The following SELE variants were observed in gnomAD, a reference collection of about 807,000 sequenced individuals.
SELE encodes selectin E, also known as E-selectin.
Under a neutral mutation model 75.8 loss-of-function variants are expected in SELE, and 52 were observed. That is an observed-to-expected ratio of 0.69 (90% CI 0.55 to 0.86). The LOEUF is 0.86. Among genes scored for constraint, SELE ranks in the 40% least tolerant of loss-of-function variants. SELE has a pLI of 0.00. For missense variants in SELE, 754 were observed against 732.7 expected, an observed-to-expected ratio of 1.03 and a Z score of -0.34; for synonymous variants, 285 against 258.7, an observed-to-expected ratio of 1.10 and a Z score of -0.98.
chr1:169,729,339 C>A lies in SELE; in HGVS notation c.937G>T (p.Gly313Cys). The A allele has an allele frequency of 6.2e-7, 1 of 1,614,034 alleles. No individual in the cohort carries two copies. The highest frequency in any genetic ancestry group is 8.5e-7 in the Non-Finnish European group (1 of 1,179,990). Residue 313 changes from glycine (G) to cysteine (C), a missense_variant, in exon 7 of 14, where the codon GGC (glycine) becomes TGC (cysteine). Physicochemically the swap from Gly to Cys is radical, Grantham distance 159. Transcript: ENST00000333360. Reference protein sequence around the residue: ...TCRAVRQPQNGSVRCSHSPAG... With the variant: ...TCRAVRQPQNCSVRCSHSPAG... ...GGGGAATGGCTGCACCTCACAGAGC[C>A]ATTCTGAGGCTGGCGGACGGCCCTG...
chr1:169,725,930 T>A lies in SELE; in HGVS notation c.1754-2A>T, dbSNP rs903575588. 3 of 1,613,806 alleles carry A rather than the reference T, an allele frequency of 1.9e-6. No individual in the cohort carries two copies. Among genetic ancestry groups the A allele is most frequent in the Admixed American group, 3.3e-5 (2 of 59,998 alleles). ...ACCTGGCAGGAACAAATTTCTTTGC[T>A]GCAAAAGAAAAGACAAACAACCATT... On this transcript the variant is annotated splice_acceptor_variant, in intron 11 of 13. Coordinates refer to ENST00000333360, the MANE Select transcript of SELE (RefSeq NM_000450.2). LOFTEE classifies it high-confidence loss of function.
chr1:169,733,164 T>G (rs1318999132), intron 2 of SELE, among the ~76,000 whole-genome samples, 166 bp from the exon 3 acceptor site: 2 of 152,206 alleles, frequency 1.3e-5, no homozygotes, highest in East Asian at 3.8e-4. Context: ...AGCGACTTAT[T>G]GTTTATCTCT....
intron 7 of SELE, among the ~76,000 whole-genome samples, chr1:169,728,917 A>G (rs1398710228): frequency 6.6e-6 from 1 of 152,130 alleles, no homozygotes; most frequent in African/African-American, 2.4e-5. Flanking sequence ...ATTCCTTTAG[A>G]TTAAGAATTC....
rs1428551867 is a variant in SELE, at chr1:169,723,721, C to T, written c.*804G>A. On this transcript the variant is annotated 3_prime_UTR_variant, in exon 14 of 14. Coordinates refer to ENST00000333360, the MANE Select transcript of SELE (RefSeq NM_000450.2). Reference sequence around the variant, plus strand: ...TGAAATAAATTTAAAACAGATGTAACATAATTTGTTAATAAACAATGAGGG... The same window carrying T: ...TGAAATAAATTTAAAACAGATGTAATATAATTTGTTAATAAACAATGAGGG... 6.6e-6 allele frequency: 1 copy of T among 152,162 alleles called. No individual in the cohort carries two copies. The highest frequency in any genetic ancestry group is 6.5e-5 in the Admixed American group (1 of 15,278). 9.4% of individuals were successfully genotyped at this position (152,162 alleles called of 1,614,324 possible).
At position 169,728,192 on chromosome 1, in the gene SELE, G is replaced by A; in HGVS notation, c.1145C>T (p.Pro382Leu). 6.2e-7 allele frequency: 1 copy of A among 1,614,166 alleles called. No individual in the cohort carries two copies. ...ATAACGGAAACTGCCAGAAGCACTA[G>A]GAAGACAATTCATGTAGCCTCGCTC... Reference protein sequence around the residue: ...NPERGYMNCLPSASGSFRYGS... With the variant: ...NPERGYMNCLLSASGSFRYGS... Residue 382 changes from proline to leucine, a missense_variant, in exon 8 of 14, where the codon CCT (proline) becomes CTT (leucine). By Grantham distance (98) the Pro-to-Leu change is moderately conservative. Transcript: ENST00000333360.
intron 4 of SELE, among the ~76,000 whole-genome samples, chr1:169,730,973 A>AAT (rs1485635299): frequency 6.6e-6 from 1 of 152,204 alleles, no homozygotes; most frequent in Non-Finnish European, 1.5e-5. Flanking sequence ...AACTGCTAAA[A>AAT]ATACTACAGT....
At chr1:169,726,329 C>T (rs1052180436) in intron 11 of SELE, among the ~76,000 whole-genome samples, 1 of 152,164 alleles carries the variant, frequency 6.6e-6, no homozygotes, top group African/African-American at 2.4e-5. Flanking sequence ...TTCCATATTC[C>T]TTATGAGAGA....
intron 10 of SELE, 108 bp from the exon 11 acceptor site, chr1:169,726,914 G>C (rs1388832309): frequency 5.5e-6 from 4 of 732,538 alleles, no homozygotes; most frequent in Non-Finnish European, 7.0e-6. Flanking sequence ...AGGAGCAGAA[G>C]AGCTATCTAG....
rs1648980626 is a variant in SELE, at chr1:169,733,969, AC to A, written c.-49+1del. The A allele has an allele frequency of 1.3e-5, 3 of 239,132 alleles. No homozygotes were observed. The highest frequency in any genetic ancestry group is 2.5e-5 in the Non-Finnish European group (3 of 121,978). The allele number at this position is 239,132 out of a possible 1,614,324, so 14.8% of individuals were successfully genotyped here. A position where few individuals can be genotyped will look rare whatever the true frequency, so the allele number is the denominator to read the frequency against. On this transcript the variant is annotated splice_donor_variant, in intron 1 of 13. Transcript: ENST00000333360. LOFTEE classifies it low-confidence loss of function (5UTR_SPLICE). Reference sequence around the variant, plus strand: ...TGCCCTTATAAAGCGTTCTGCACTTACCGTTTTGGGAAGCAGTTGTTCAAAC... The same window carrying A: ...TGCCCTTATAAAGCGTTCTGCACTTACGTTTTGGGAAGCAGTTGTTCAAAC...
Position 169,728,082 on chromosome 1 carries a change from C to G in SELE, c.1255G>C (p.Asp419His). 2.5e-6 allele frequency: 4 copies of G among 1,613,484 alleles called. No homozygotes were observed. Among genetic ancestry groups the G allele is most frequent in the Non-Finnish European group, 3.4e-6 (4 of 1,179,844 alleles). Residue 419 changes from aspartate to histidine, a missense_variant, in exon 8 of 14, where the codon GAC becomes CAC. Physicochemically the swap from Asp to His is moderately conservative, Grantham distance 81. Coordinates refer to ENST00000333360, the MANE Select transcript of SELE (RefSeq NM_000450.2). ...CCTTCACATGTGGGCTTCTCGTTGTCCCACTCCCCTGTGGGGCCACATTGG... is the reference window on the plus strand; with the variant it reads ...CCTTCACATGTGGGCTTCTCGTTGTGCCACTCCCCTGTGGGGCCACATTGG... ...RLQCGPTGEW[D>H]NEKPTCEAVR...
intron 8 of SELE, 46 bp downstream of exon 8, chr1:169,728,012 C>CAATAGTTCTT (rs752319818): frequency 6.3e-7 from 1 of 1,585,252 alleles, no homozygotes; most frequent in Non-Finnish European, 8.5e-7. Flanking sequence ...CCAAGCTCTT[C>CAATAGTTCTT]AATAGTTCTT....
chr1:169,727,979 C>G (rs767068480), intron 8 of SELE, 52 bp from the exon 9 acceptor site: 1 of 1,590,448 alleles, frequency 6.3e-7, no homozygotes, highest in African/African-American at 1.4e-5. Context: ...TCCAGCAATA[C>G]GTTTCCCAAG....
chr1:169,731,195 A>G (rs1648903659), intron 4 of SELE, among the ~76,000 whole-genome samples: 1 of 152,238 alleles, frequency 6.6e-6, no homozygotes, highest in Admixed American at 6.5e-5. Flanking sequence ...CAAGTACTCA[A>G]TAACCACATG....
At chr1:169,733,330 G>A (rs1280501824) in intron 2 of SELE, among the ~76,000 whole-genome samples, 3 of 152,078 alleles carry the variant, frequency 2.0e-5, no homozygotes, top group African/African-American at 7.2e-5. Flanking sequence ...CATGAACCAT[G>A]CTATTGAATC....
chr1:169,733,031 T>G, intron 2 of SELE, 33 bp from the exon 3 acceptor site: 1 of 1,522,658 alleles, frequency 6.6e-7, no homozygotes, highest in South Asian at 1.3e-5. Flanking sequence ...AATGGTAGAG[T>G]TTGGTACTGT....
chr1:169,728,339 T>G, intron 7 of SELE, 93 bp from the exon 8 acceptor site: 3 of 1,177,244 alleles, frequency 2.5e-6, no homozygotes, highest in Non-Finnish European at 3.6e-6. Flanking sequence ...CAAGCAACAC[T>G]TGGAGAACTG....
At chr1:169,725,647 G>A (rs1648720879) in intron 13 of SELE, 82 bp downstream of exon 13, 2 of 1,157,618 alleles carry the variant, frequency 1.7e-6, no homozygotes, top group Non-Finnish European at 2.6e-6. Context: ...TAAGATATTG[G>A]CAAGTTTGGA....
Position 169,732,739 on chromosome 1 carries a change from T to G in SELE, c.297A>C (p.Pro99=). 6.2e-7 allele frequency: 1 copy of G among 1,614,152 alleles called. No individual in the cohort carries two copies. The highest frequency in any genetic ancestry group is 8.5e-7 in the Non-Finnish European group (1 of 1,180,014). ...PLTEEAKNWA[P]GEPNNRQKDE... ...CTTTTTGCCTATTGTTGGGTTCACC[T>G]GGAGCCCAGTTCTTGGCTTCTTCTG... The change falls in exon 3 of 14, where the codon CCA becomes CCC. Residue 99 remains proline (P), a synonymous_variant. Transcript: ENST00000333360.
At chr1:169,730,190 G>A (rs767067069) in intron 5 of SELE, among the ~76,000 whole-genome samples, 1 of 151,990 alleles carries the variant, frequency 6.6e-6, no homozygotes, top group Non-Finnish European at 1.5e-5. Context: ...TTGTTTTATG[G>A]TCTCCCTTAC....
Sources: allele counts gnomAD v4.1 joint callset (sites outside exome capture counted in the v4.1 genomes callset), GRCh38; gene constraint gnomAD v4.1.1; transcripts MANE v1.5; gene names NCBI Gene and HGNC (gene_info 2026-07-23, HGNC 2026-07-21).